Variants in APOLD1 observed in about 807,000 individuals in gnomAD.
The protein encoded by APOLD1 is apolipoprotein L domain containing 1, also known as apolipoprotein L domain-containing protein 1.
APOLD1 carries 22 observed loss-of-function variants against 15.3 expected under a neutral mutation model. That is an observed-to-expected ratio of 1.44 (90% CI 1.03 to 2.05). The LOEUF (loss-of-function observed/expected upper bound fraction) is 2.05. Ranked by LOEUF, APOLD1 falls within the 30% of genes most tolerant of loss-of-function variation. The probability of loss-of-function intolerance (pLI) is 0.00; values close to 1 mark genes in which losing one functional copy is unlikely to be tolerated. For missense variants in APOLD1, 394 were observed against 353.5 expected (o/e 1.11, Z -0.92); for synonymous variants, 190 against 167.4 (o/e 1.13, Z -1.04).
chr12:12,729,942 G>A (rs184012309), intron 1 of APOLD1, among the ~76,000 whole-genome samples: 5 of 151,396 alleles, frequency 3.3e-5, no homozygotes, highest in Admixed American at 6.6e-5. Context: ...TTGCAGCCTC[G>A]ACCTCCTGGG....
At chr12:12,775,427 C>G (rs2136394516) in intron 1 of APOLD1, among the ~76,000 whole-genome samples, 1 of 152,128 alleles carries the variant, frequency 6.6e-6, no homozygotes, top group Admixed American at 6.5e-5. Context: ...AATAAGGAAC[C>G]CTAATGTAAA....
Position 12,787,665 on chromosome 12 carries a change from C to G in APOLD1, c.*13C>G, listed in dbSNP as rs960797221. The G allele has an allele frequency of 6.4e-7, 1 of 1,564,656 alleles. No homozygotes were observed. The highest frequency in any genetic ancestry group is 2.3e-5 in the East Asian group (1 of 44,414). ...GCTGTTTTTCTGAGAACATCCTTTC[C>G]CCCTAATGACCGAGGCCAGCAAATC... is the stretch of plus-strand genomic sequence containing the variant. On this transcript the variant is annotated 3_prime_UTR_variant, in exon 2 of 2. Transcript: ENST00000356591. This position sits in a 1 kb window ranked among gnomAD's most constrained non-coding sequence, Gnocchi z 4.9.
At chr12:12,766,481 C>G (rs986026592) in intron 1 of APOLD1, among the ~76,000 whole-genome samples, 7 of 152,054 alleles carry the variant, frequency 4.6e-5, no homozygotes, top group Admixed American at 2.6e-4. Context: ...TTGCATTGCC[C>G]CACAGCTAAA....
chr12:12,741,570 TA>T lies in APOLD1; in HGVS notation c.96+15480del, dbSNP rs745307815. On this transcript the variant is annotated intron_variant, in intron 1 of 1. Coordinates refer to the APOLD1 transcript ENST00000326765. ...CTACAGTTTATAGTGTGAAAAAGTA[TA>T]AAAAATGATTCCCAATTTTAGGTTT... 1.1e-3 allele frequency among the ~76,000 whole-genome samples: 175 copies of T among 152,274 alleles called. 1 individual carries two copies. Among genetic ancestry groups the T allele is most frequent in the Admixed American group, 2.5e-3 (38 of 15,292 alleles).
In APOLD1 at chr12:12,756,914, G is replaced by A. The variant is rs1417662123; in HGVS notation, c.97-29995G>A. Among the ~76,000 whole-genome samples, 3 of 152,264 alleles carry A rather than the reference G, an allele frequency of 2.0e-5. No homozygotes were observed. In the East Asian group the frequency reaches 5.8e-4, roughly 29 times the overall value. ...TGATTCTCCTGCCTCTGTCTCCAGA[G>A]TAGCTGGGATTACAGGCGCCCACCA... On this transcript the variant is annotated intron_variant, in intron 1 of 1. Coordinates refer to the APOLD1 transcript ENST00000326765.
At chr12:12,769,425 G>T (rs1283907292) in intron 1 of APOLD1, among the ~76,000 whole-genome samples, 6 of 152,108 alleles carry the variant, frequency 3.9e-5, no homozygotes, top group African/African-American at 1.4e-4. Flanking sequence ...AATCAGTGCT[G>T]GAGTGGGAAA....
At chr12:12,775,020 T>C (rs1424684649) in intron 1 of APOLD1, among the ~76,000 whole-genome samples, 1 of 152,226 alleles carries the variant, frequency 6.6e-6, no homozygotes, top group East Asian at 1.9e-4. Context: ...CACAGCTTTA[T>C]TTGTGATTGC....
At chr12:12,747,983 A>G (rs1020647157) in intron 1 of APOLD1, among the ~76,000 whole-genome samples, 15 of 152,150 alleles carry the variant, frequency 9.9e-5, no homozygotes, top group Admixed American at 9.2e-4. Flanking sequence ...TGGCCTGGGG[A>G]AAACTTTGGA....
chr12:12,734,664 A>G (rs959048119), intron 1 of APOLD1, among the ~76,000 whole-genome samples: 5 of 152,244 alleles, frequency 3.3e-5, no homozygotes, highest in Non-Finnish European at 5.9e-5. Context: ...TTTGGCCACA[A>G]ACCACATATT....
chr12:12,767,418 T>C (rs1028613844), intron 1 of APOLD1, among the ~76,000 whole-genome samples: 6 of 152,136 alleles, frequency 3.9e-5, no homozygotes, highest in Non-Finnish European at 7.4e-5. Flanking sequence ...TCCCAGCACT[T>C]TGGGAGGCCG....
At chr12:12,734,499 C>T (rs1280034011) in intron 1 of APOLD1, among the ~76,000 whole-genome samples, 1 of 152,178 alleles carries the variant, frequency 6.6e-6, no homozygotes, top group Non-Finnish European at 1.5e-5. Flanking sequence ...TGAGAATATT[C>T]TAATTCTTGA....
At position 12,787,555 on chromosome 12, in the gene APOLD1, G is replaced by A; in HGVS notation, c.650G>A (p.Ser217Asn). 6.2e-7 allele frequency: 1 copy of A among 1,613,670 alleles called. No homozygotes were observed. The highest frequency in any genetic ancestry group is 1.6e-4 in the Middle Eastern group (1 of 6,062). The change falls in exon 2 of 2, where the codon AGC (serine) becomes AAC (asparagine). Residue 217 changes from serine (S) to asparagine (N), a missense_variant. Physicochemically the swap from Ser to Asn is conservative, Grantham distance 46. Transcript: ENST00000356591. The surrounding 1 kb of genome is among the most constrained non-coding windows in gnomAD (Gnocchi z 4.9). ...ESCTGALDELSEQLESRVQLC... is the reference protein window; with the variant it reads ...ESCTGALDELNEQLESRVQLC... ...TGCACCGGGGCTCTGGACGAACTCA[G>A]CGAGCAGCTGGAGTCTCGGGTTCAG...
At chr12:12,752,151 C>T (rs1946816987) in intron 1 of APOLD1, among the ~76,000 whole-genome samples, 1 of 152,158 alleles carries the variant, frequency 6.6e-6, no homozygotes, top group African/African-American at 2.4e-5. Flanking sequence ...AAGAGACCTT[C>T]TATAAGAAGG....
intron 1 of APOLD1, among the ~76,000 whole-genome samples, chr12:12,731,312 C>T (rs1490438631): frequency 6.6e-6 from 1 of 152,118 alleles, no homozygotes; most frequent in African/African-American, 2.4e-5. Context: ...TTTAAATTGG[C>T]ATTTAATAAA....
intron 1 of APOLD1, chr12:12,764,708 T>G (rs1190984629): frequency 2.0e-6 from 1 of 508,038 alleles, no homozygotes; most frequent in Non-Finnish European, 4.1e-6. Flanking sequence ...TACAATACAG[T>G]AGGAATGTTC....
chr12:12,781,822 C>T (rs997398286), upstream of APOLD1, among the ~76,000 whole-genome samples: 2 of 151,744 alleles, frequency 1.3e-5, no homozygotes, highest in Admixed American at 6.6e-5. Context: ...CCACCGCGCC[C>T]GGCATACTTT....
At chr12:12,741,509 C>T (rs777651682) in intron 1 of APOLD1, among the ~76,000 whole-genome samples, 6 of 152,170 alleles carry the variant, frequency 3.9e-5, no homozygotes, top group Non-Finnish European at 7.3e-5. Flanking sequence ...CCATTGTGCC[C>T]GGCCCCAACC....
intron 1 of APOLD1, 151 bp downstream of exon 1, chr12:12,785,845 T>A: frequency 1.3e-6 from 1 of 766,432 alleles, no homozygotes; most frequent in Non-Finnish European, 2.3e-6. Flanking sequence ...TAGACTGGGC[T>A]CTGTGAAGAA....
chr12:12,791,466 A>AT (rs966005668), downstream of APOLD1: 12 of 152,120 alleles, frequency 7.9e-5, no homozygotes, highest in Non-Finnish European at 7.4e-5. Context: ...CATTCCTCAA[A>AT]TTTTTTTATC....
Sources: gnomAD v4.1 joint callset for allele counts (sites outside exome capture counted in the v4.1 genomes callset) on GRCh38, gnomAD v4.1.1 for gene constraint, Gnocchi (gnomAD v3.1) non-coding constraint, MANE v1.5 for transcripts, NCBI Gene and HGNC (gene_info 2026-07-23, HGNC 2026-07-21) for gene names.